The following WDR72 variants were observed in gnomAD, a reference collection of about 807,000 sequenced individuals.
WDR72 encodes the protein WD repeat domain 72.
WDR72 carries 120 observed loss-of-function variants against 124.2 expected under a neutral mutation model. That is an observed-to-expected ratio of 0.97 (90% CI 0.83 to 1.12). The LOEUF is 1.12. WDR72 is among the 50% of genes most tolerant of loss of function. The probability of loss-of-function intolerance (pLI) is 0.00; values close to 1 mark genes in which losing one functional copy is unlikely to be tolerated. For missense variants in WDR72, 1,387 were observed against 1,278.8 expected, an observed-to-expected ratio of 1.08 and a Z score of -1.29; for synonymous variants, 452 against 441.7, an observed-to-expected ratio of 1.02 and a Z score of -0.29.
At chr15:53,613,584 G>T in intron 16 of WDR72, 82 bp downstream of exon 16, 1 of 905,134 alleles carries the variant, frequency 1.1e-6, no homozygotes. Flanking sequence ...TTTTGACACT[G>T]CTAACCAGTT....
At chr15:53,528,511 T>C (rs1226366263) in intron 18 of WDR72, among the ~76,000 whole-genome samples, 1 of 152,090 alleles carries the variant, frequency 6.6e-6, no homozygotes, top group East Asian at 1.9e-4. Flanking sequence ...TAATCTAATA[T>C]GGAATATTAT....
At chr15:53,651,744 C>T (rs924237324) in intron 14 of WDR72, among the ~76,000 whole-genome samples, 1 of 152,134 alleles carries the variant, frequency 6.6e-6, no homozygotes, top group Non-Finnish European at 1.5e-5. Context: ...CGCCTGCCTC[C>T]CAGGTTCAAG....
chr15:53,657,780 C>A (rs760269504), intron 14 of WDR72, among the ~76,000 whole-genome samples: 9 of 152,094 alleles, frequency 5.9e-5, no homozygotes, highest in Middle Eastern at 3.2e-3. Flanking sequence ...CAAAGCAGAA[C>A]CAACCTTTTC....
At chr15:53,691,164 C>T (rs1428585792) in intron 13 of WDR72, among the ~76,000 whole-genome samples, 1 of 152,194 alleles carries the variant, frequency 6.6e-6, no homozygotes, top group Non-Finnish European at 1.5e-5. Flanking sequence ...ATCCTCCCAT[C>T]TCGGCCTCCA....
chr15:53,618,021 T>C (rs1446173863), intron 14 of WDR72, among the ~76,000 whole-genome samples: 1 of 151,938 alleles, frequency 6.6e-6, no homozygotes, highest in Non-Finnish European at 1.5e-5. Context: ...ATTTTTGTGC[T>C]GTGTTGTTTA....
At chr15:53,606,106 C>T (rs571358182) in intron 17 of WDR72, among the ~76,000 whole-genome samples, 10 of 152,198 alleles carry the variant, frequency 6.6e-5, no homozygotes, top group Middle Eastern at 6.8e-3. Context: ...TTTCACATAC[C>T]GTCACAGAAT....
At chr15:53,718,760 T>A (rs969260625) in intron 3 of WDR72, among the ~76,000 whole-genome samples, 11 of 138,208 alleles carry the variant, frequency 8.0e-5, no homozygotes, top group Admixed American at 4.7e-4. Flanking sequence ...AAAACCTTAA[T>A]AAATTTTAAG....
chr15:53,619,264 TTG>T (rs3081256), intron 14 of WDR72, among the ~76,000 whole-genome samples: 9,163 of 147,366 alleles, frequency 0.062, 795 homozygotes, highest in African/African-American at 0.2. Context: ...TGCTTTATAA[TTG>T]TGTGTGTGTG....
rs764300943 is a variant in WDR72, at chr15:53,705,016, TCTTG to T, written c.1316_1319del (p.Ala439AspfsTer8). ...TTACTAAAGAACCACCTTCCAGAAGTCTTGCTTTGGCAGCATTCAAAGCCTGGGT... is the reference window on the plus strand; with the variant it reads ...TTACTAAAGAACCACCTTCCAGAAGTCTTTGGCAGCATTCAAAGCCTGGGT... On this transcript the variant is annotated frameshift_variant, in exon 11 of 20. Transcript: ENST00000360509. LOFTEE classifies it high-confidence loss of function. 1 of 1,614,042 alleles carries T rather than the reference TCTTG, an allele frequency of 6.2e-7. No individual in the cohort carries two copies. The highest frequency in any genetic ancestry group is 8.5e-7 in the Non-Finnish European group (1 of 1,180,020).
intron 18 of WDR72, among the ~76,000 whole-genome samples, chr15:53,551,464 G>A (rs1490343414): frequency 6.6e-6 from 1 of 152,072 alleles, no homozygotes; most frequent in Non-Finnish European, 1.5e-5. Flanking sequence ...CCTTCTCTGG[G>A]CAAAACACCC....
intron 2 of WDR72, among the ~76,000 whole-genome samples, chr15:53,724,108 G>T (rs1482546142): frequency 6.6e-6 from 1 of 152,148 alleles, no homozygotes; most frequent in Admixed American, 6.5e-5. Context: ...AACCTAAAAG[G>T]CCAAACTCAT....
intron 18 of WDR72, among the ~76,000 whole-genome samples, chr15:53,595,646 T>C (rs2012735800): frequency 6.6e-6 from 1 of 152,104 alleles, no homozygotes. Flanking sequence ...CTAGCTGACT[T>C]GGGAGAGGTG....
intron 14 of WDR72, among the ~76,000 whole-genome samples, chr15:53,647,325 C>T (rs919974229): frequency 6.6e-6 from 1 of 151,964 alleles, no homozygotes; most frequent in East Asian, 1.9e-4. Context: ...TAAAAATAGC[C>T]TTTCCTATAT....
At chr15:53,636,447 AAAATT>A (rs1406210089) in intron 14 of WDR72, among the ~76,000 whole-genome samples, 16 of 152,324 alleles carry the variant, frequency 1.1e-4, no homozygotes, top group African/African-American at 3.1e-4. Context: ...AAACTTTTTA[AAAATT>A]AAATTAAATT....
intron 18 of WDR72, among the ~76,000 whole-genome samples, chr15:53,544,730 T>C (rs1319743655): frequency 6.8e-6 from 1 of 147,818 alleles, no homozygotes; most frequent in East Asian, 2.0e-4. Context: ...TTGTCCCTGT[T>C]TGCAGACGAC....
At chr15:53,753,827 C>T (rs1276907186) in intron 1 of WDR72, among the ~76,000 whole-genome samples, 1 of 152,128 alleles carries the variant, frequency 6.6e-6, no homozygotes, top group Non-Finnish European at 1.5e-5. Flanking sequence ...CTTTCCTATG[C>T]ATTTTCTCAA....
At chr15:53,692,964 A>G (rs1237333223) in intron 13 of WDR72, among the ~76,000 whole-genome samples, 1 of 152,168 alleles carries the variant, frequency 6.6e-6, no homozygotes, top group Non-Finnish European at 1.5e-5. Context: ...GTAATCTACC[A>G]CAACAAAATA....
chr15:53,514,223 A>G lies in WDR72; in HGVS notation c.*3476T>C, dbSNP rs1891318833. ...TTAAACACAACTTTTGGCACTTTACATATAAGACAACATTTTGTGGAGAAT... is the reference window on the plus strand; with the variant it reads ...TTAAACACAACTTTTGGCACTTTACGTATAAGACAACATTTTGTGGAGAAT... On this transcript the variant is annotated 3_prime_UTR_variant, in exon 20 of 20. Transcript: ENST00000360509. 6.6e-6 allele frequency: 1 copy of G among 152,226 alleles called. No individual in the cohort carries two copies. Among genetic ancestry groups the G allele is most frequent in the African/African-American group, 2.4e-5 (1 of 41,466 alleles). The allele number at this position is 152,226 out of a possible 1,614,324, so 9.4% of individuals were successfully genotyped here.
chr15:53,553,331 T>C (rs1459801333), intron 18 of WDR72, among the ~76,000 whole-genome samples: 1 of 152,178 alleles, frequency 6.6e-6, no homozygotes, highest in African/African-American at 2.4e-5. Context: ...CTTTCACAGA[T>C]GCAGACACAC....
Sources: allele counts gnomAD v4.1 joint callset (sites outside exome capture counted in the v4.1 genomes callset), GRCh38; gene constraint gnomAD v4.1.1; transcripts MANE v1.5; gene names NCBI Gene and HGNC (gene_info 2026-07-23, HGNC 2026-07-21).